Variants in SNX29 observed in about 807,000 individuals in gnomAD.
The protein encoded by SNX29 is sorting nexin 29, also known as sorting nexin-29.
In SNX29, 78 loss-of-function variants were observed where a neutral mutation model predicts 102.1. The observed-to-expected ratio is 0.76, with a 90% confidence interval of 0.64 to 0.92. SNX29 has a LOEUF of 0.92. Among genes scored for constraint, SNX29 ranks in the 40% least tolerant of loss-of-function variants. SNX29 has a pLI of 0.00. For synonymous variants in SNX29, 580 were observed against 414.5 expected (o/e 1.40, Z -4.85); for missense variants, 1,280 against 1,061.7 (o/e 1.21, Z -2.86).
At chr16:12,423,821 C>G (rs1392188751) in intron 18 of SNX29, among the ~76,000 whole-genome samples, 1 of 152,196 alleles carries the variant, frequency 6.6e-6, no homozygotes, top group East Asian at 1.9e-4. Context: ...ATCCACCAGC[C>G]TCAGCTTCCC....
At chr16:12,356,630 G>C (rs188992318) in intron 16 of SNX29, among the ~76,000 whole-genome samples, 1 of 152,122 alleles carries the variant, frequency 6.6e-6, no homozygotes, top group Admixed American at 6.5e-5. Flanking sequence ...TACCTACATG[G>C]TATTACTGTT....
At chr16:12,002,491 C>T (rs1282021245) in intron 2 of SNX29, among the ~76,000 whole-genome samples, 2 of 151,794 alleles carry the variant, frequency 1.3e-5, no homozygotes, top group African/African-American at 2.4e-5. Flanking sequence ...TTTTTCCCAC[C>T]CTCAGTAAAT....
chr16:12,273,427 C>T (rs542831210), intron 14 of SNX29, among the ~76,000 whole-genome samples: 149 of 149,896 alleles, frequency 9.9e-4, no homozygotes, highest in Non-Finnish European at 1.8e-3. Context: ...GGTGGGATCT[C>T]GGCTCACTGC....
chr16:12,566,477 G>A (rs1469435854), intron 20 of SNX29, among the ~76,000 whole-genome samples: 1 of 152,126 alleles, frequency 6.6e-6, no homozygotes, highest in Non-Finnish European at 1.5e-5. Context: ...TGGCTGTGCT[G>A]AATGATGATG....
In SNX29 at chr16:12,091,824, G is replaced by A. The variant is rs1017292822; in HGVS notation, c.1402+12909G>A. 2.7e-5 allele frequency among the ~76,000 whole-genome samples: 4 copies of A among 149,796 alleles called. No individual in the cohort carries two copies. The East Asian group carries it at 7.8e-4, about 29-fold the overall frequency. On this transcript the variant is annotated intron_variant, in intron 11 of 20. Transcript: ENST00000566228. ...CCCAGAGACCTTGTTTACCCTTTCTGCCATGTAATGATGACACAGCAAGAA... is the reference window on the plus strand; with the variant it reads ...CCCAGAGACCTTGTTTACCCTTTCTACCATGTAATGATGACACAGCAAGAA...
intron 20 of SNX29, among the ~76,000 whole-genome samples, chr16:12,545,815 ACT>A (rs1339395469): frequency 1.3e-5 from 2 of 151,500 alleles, no homozygotes; most frequent in Non-Finnish European, 2.9e-5. Context: ...CTCCCTACTG[ACT>A]CTCCAGACCT....
chr16:12,157,144 A>G (rs1045314545), intron 13 of SNX29, among the ~76,000 whole-genome samples: 2 of 152,116 alleles, frequency 1.3e-5, no homozygotes, highest in Admixed American at 1.3e-4. Context: ...AGTGTGGAGA[A>G]CATGCCTCGC....
intron 18 of SNX29, among the ~76,000 whole-genome samples, chr16:12,422,143 C>A (rs1274222757): frequency 6.6e-6 from 1 of 152,202 alleles, no homozygotes; most frequent in East Asian, 1.9e-4. Context: ...CAGCATTTTT[C>A]TCCTTAAAAA....
chr16:12,046,965 A>G (rs1458200764), intron 6 of SNX29, among the ~76,000 whole-genome samples: 3 of 152,276 alleles, frequency 2.0e-5, no homozygotes, highest in African/African-American at 7.2e-5. Context: ...TGGCAGAGAA[A>G]GTGAAGATTT....
rs1264088142 is a variant in SNX29 at position 12,043,007 on chromosome 16, C to T, written c.358C>T (p.Arg120Cys). The change falls in exon 5 of 21, where the codon CGC becomes TGC. Residue 120 changes from arginine (R) to cysteine (C), a missense_variant. Coordinates refer to ENST00000566228, the MANE Select transcript of SNX29 (RefSeq NM_032167.5). ...SDVGRGRAWL[R>C]CALNEHSLER... ...CGTGGGCCGGGGTCGCGCCTGGCTG[C>T]GCTGTGCCCTCAACGAACACTCCCT... 24 of 1,613,512 alleles carry T rather than the reference C, an allele frequency of 1.5e-5. No homozygotes were observed. Among genetic ancestry groups the T allele is most frequent in the Admixed American group, 3.3e-5 (2 of 59,984 alleles).
intron 18 of SNX29, among the ~76,000 whole-genome samples, chr16:12,427,045 A>G (rs2085109227): frequency 6.6e-6 from 1 of 152,242 alleles, no homozygotes; most frequent in African/African-American, 2.4e-5. Context: ...AGCAGGTAAC[A>G]AAAGAGAATG....
In SNX29 at chr16:12,471,327, C is replaced by T. The variant is rs559368380; in HGVS notation, c.2038-6392C>T. On this transcript the variant is annotated intron_variant, in intron 18 of 20. Coordinates refer to ENST00000566228, the MANE Select transcript of SNX29 (RefSeq NM_032167.5). ...TGCTTGGTGGTTAGATGTTTTAGTACGTGTACAAAATGTTGTCCTGAATAT... is the reference window on the plus strand; with the variant it reads ...TGCTTGGTGGTTAGATGTTTTAGTATGTGTACAAAATGTTGTCCTGAATAT... 9.2e-5 allele frequency among the ~76,000 whole-genome samples: 14 copies of T among 152,306 alleles called. No individual in the cohort carries two copies. In the South Asian group the frequency reaches 1.2e-3, roughly 14 times the overall value.
At chr16:12,512,747 C>A (rs1412948184) in intron 19 of SNX29, among the ~76,000 whole-genome samples, 1 of 152,242 alleles carries the variant, frequency 6.6e-6, no homozygotes, top group South Asian at 2.1e-4. Flanking sequence ...CTGTTCACTT[C>A]TCCTCACAGG....
intron 15 of SNX29, among the ~76,000 whole-genome samples, chr16:12,279,355 GGAAGGTGGCTTTAGA>G (rs751119544): frequency 8.1e-4 from 123 of 152,322 alleles, no homozygotes; most frequent in Non-Finnish European, 4.9e-4. Context: ...CTCTAAAGAA[GGAAGGTGGCTTTAGA>G]AACAGCTTGC....
chr16:12,515,273 CTG>C (rs1017610293), intron 19 of SNX29, among the ~76,000 whole-genome samples: 4 of 152,168 alleles, frequency 2.6e-5, no homozygotes, highest in African/African-American at 9.7e-5. Flanking sequence ...TTCCAGCTGA[CTG>C]TAAGTTCCAC....
intron 13 of SNX29, among the ~76,000 whole-genome samples, chr16:12,162,887 T>C (rs1567266844): frequency 6.6e-6 from 1 of 150,894 alleles, no homozygotes; most frequent in African/African-American, 2.5e-5. Flanking sequence ...GTTGCTTTGT[T>C]TTTCTTTTTT....
chr16:12,282,090 A>G (rs2079451378), intron 15 of SNX29, among the ~76,000 whole-genome samples: 1 of 145,706 alleles, frequency 6.9e-6, no homozygotes, highest in African/African-American at 2.7e-5. Flanking sequence ...TCTCAAAAAA[A>G]AAAAAAAAAA....
rs1020381190 is a variant in SNX29, at chr16:12,571,832, A to T, written c.*3203A>T. ...ATTCCAGCTTCTTTGATTCCCACTT[A>T]GCAGTATGCTCCAATCACGTTGCTG... On this transcript the variant is annotated 3_prime_UTR_variant, in exon 21 of 21. Transcript: ENST00000566228. 35 of 1,044,712 alleles carry T rather than the reference A, an allele frequency of 3.4e-5. No homozygotes were observed. Among genetic ancestry groups the T allele is most frequent in the Non-Finnish European group, 3.6e-5 (31 of 861,672 alleles). The allele number at this position is 1,044,712 out of a possible 1,614,324, so 64.7% of individuals were successfully genotyped here.
intron 14 of SNX29, among the ~76,000 whole-genome samples, chr16:12,247,459 T>C (rs760072287): frequency 1.3e-5 from 2 of 152,164 alleles, no homozygotes; most frequent in Non-Finnish European, 2.9e-5. Context: ...ATAAATACCT[T>C]CCGACTTACA....
Sources: gnomAD v4.1 joint callset for allele counts (sites outside exome capture counted in the v4.1 genomes callset) on GRCh38, gnomAD v4.1.1 for gene constraint, MANE v1.5 for transcripts, NCBI Gene and HGNC (gene_info 2026-07-23, HGNC 2026-07-21) for gene names.